CAMTA1: variants seen among roughly 807,000 people sequenced by gnomAD.
The protein encoded by CAMTA1 is calmodulin-binding transcription activator 1.
A neutral mutation model predicts 170.9 loss-of-function variants in CAMTA1; 27 were observed. The observed-to-expected ratio is 0.16, with a 90% CI of 0.12 to 0.22. CAMTA1 has a LOEUF of 0.22. Ranked by LOEUF, CAMTA1 falls within the 10% of genes least tolerant of loss-of-function variation. CAMTA1 has a pLI of 1.00. For missense variants in CAMTA1, 1,619 were observed against 2,217.2 expected (o/e 0.73, Z 5.42); for synonymous variants, 833 against 891.5 (o/e 0.93, Z 1.17).
intron 4 of CAMTA1, among the ~76,000 whole-genome samples, chr1:7,148,064 AACAC>A (rs754646778): frequency 2.5e-5 from 3 of 121,534 alleles, no homozygotes; most frequent in Non-Finnish European, 5.3e-5. Flanking sequence ...TATGCACACA[AACAC>A]ACACTCATAC....
intron 5 of CAMTA1, among the ~76,000 whole-genome samples, chr1:7,465,718 C>G (rs937407448): frequency 6.6e-6 from 1 of 152,142 alleles, no homozygotes; most frequent in Non-Finnish European, 1.5e-5. Context: ...CGGGCCTGGG[C>G]CTTCCTCTTC....
intron 6 of CAMTA1, among the ~76,000 whole-genome samples, chr1:7,625,504 C>T (rs2095627424): frequency 6.6e-6 from 1 of 152,146 alleles, no homozygotes. Flanking sequence ...GCCGTTCTGT[C>T]GCATCATCTG....
At chr1:7,643,947 G>C (rs957066274) in intron 7 of CAMTA1, among the ~76,000 whole-genome samples, 2 of 152,238 alleles carry the variant, frequency 1.3e-5, no homozygotes, top group African/African-American at 4.8e-5. Flanking sequence ...CCTCAGATTT[G>C]ATTCCAGAAT....
intron 4 of CAMTA1, among the ~76,000 whole-genome samples, chr1:7,177,975 C>G (rs1651301275): frequency 6.6e-6 from 1 of 152,052 alleles, no homozygotes; most frequent in Non-Finnish European, 1.5e-5. Flanking sequence ...ACTGAACCCC[C>G]TCCCCACGCG....
chr1:7,109,745 G>T (rs1643899843), intron 4 of CAMTA1, among the ~76,000 whole-genome samples: 1 of 152,182 alleles, frequency 6.6e-6, no homozygotes. Context: ...CCTCCCATTG[G>T]CCTGAGTGAG....
At chr1:7,402,034 T>C (rs1300770310) in intron 5 of CAMTA1, among the ~76,000 whole-genome samples, 1 of 152,200 alleles carries the variant, frequency 6.6e-6, no homozygotes, top group African/African-American at 2.4e-5. Flanking sequence ...TTAAACCACT[T>C]GCTCTCTTAT....
chr1:6,907,446 C>T (rs1678770095), intron 3 of CAMTA1, among the ~76,000 whole-genome samples: 2 of 152,176 alleles, frequency 1.3e-5, no homozygotes, highest in Non-Finnish European at 2.9e-5. Context: ...TGGGTTGCTG[C>T]AGCTTGACTC....
chr1:6,811,088 A>G (rs1645112966), intron 1 of CAMTA1, among the ~76,000 whole-genome samples: 1 of 152,198 alleles, frequency 6.6e-6, no homozygotes, highest in South Asian at 2.1e-4. Context: ...TGTTAGACAA[A>G]TGAACATTCT....
intron 2 of CAMTA1, among the ~76,000 whole-genome samples, chr1:6,822,936 G>T (rs779152614): frequency 2.7e-4 from 41 of 151,988 alleles, no homozygotes; most frequent in Non-Finnish European, 4.9e-4. Flanking sequence ...ATAGAAGCTG[G>T]GGTTTAAAAC....
At chr1:7,654,075 G>A (rs1054553784) in intron 7 of CAMTA1, among the ~76,000 whole-genome samples, 3 of 152,056 alleles carry the variant, frequency 2.0e-5, no homozygotes, top group Non-Finnish European at 4.4e-5. Context: ...CTGGAAAGAA[G>A]GGTGGCATTT....
At chr1:6,790,665 G>A (rs879264458) in intron 1 of CAMTA1, among the ~76,000 whole-genome samples, 8 of 152,078 alleles carry the variant, frequency 5.3e-5, no homozygotes, top group Non-Finnish European at 8.8e-5. Flanking sequence ...TCACTGCCAT[G>A]AAGAATTATA....
intron 3 of CAMTA1, among the ~76,000 whole-genome samples, 159 bp downstream of exon 3, chr1:6,825,369 C>T (rs535374308): frequency 4.9e-4 from 74 of 152,120 alleles, no homozygotes; most frequent in Non-Finnish European, 9.4e-4. Flanking sequence ...AACCAACCAA[C>T]ATGTTTTTTG....
chr1:7,280,172 G>C (rs915930583), intron 5 of CAMTA1, among the ~76,000 whole-genome samples: 1 of 152,226 alleles, frequency 6.6e-6, no homozygotes, highest in Non-Finnish European at 1.5e-5. Flanking sequence ...TGTGCCCTTT[G>C]CCCACCTGGG....
chr1:7,077,827 AC>A (rs1217828426), intron 3 of CAMTA1, among the ~76,000 whole-genome samples: 1 of 152,102 alleles, frequency 6.6e-6, no homozygotes, highest in Admixed American at 6.5e-5. Context: ...TCCTGTAGGC[AC>A]CAGAGCTGTT....
chr1:7,597,434 G>A (rs952202424), intron 6 of CAMTA1, among the ~76,000 whole-genome samples: 4 of 152,214 alleles, frequency 2.6e-5, no homozygotes, highest in African/African-American at 7.2e-5. Flanking sequence ...GGCCTCCACA[G>A]GAAGGAAAAG....
At chr1:7,555,890 C>G (rs1381972089) in intron 6 of CAMTA1, among the ~76,000 whole-genome samples, 1 of 152,192 alleles carries the variant, frequency 6.6e-6, no homozygotes, top group Non-Finnish European at 1.5e-5. Flanking sequence ...CCGCTAGGGC[C>G]CTTTTTTCCA....
intron 4 of CAMTA1, among the ~76,000 whole-genome samples, chr1:7,130,886 AT>A (rs1351031806): frequency 3.3e-5 from 5 of 151,636 alleles, no homozygotes; most frequent in Admixed American, 3.3e-4. Context: ...TTCTTTGCAT[AT>A]TTTAGATATG....
chr1:7,057,673 T>C (rs1293678652), intron 3 of CAMTA1, among the ~76,000 whole-genome samples: 3 of 152,248 alleles, frequency 2.0e-5, no homozygotes, highest in Admixed American at 1.3e-4. Context: ...TTTACACTTA[T>C]GTGAGGCCTT....
chr1:7,646,405 GT>G, intron 7 of CAMTA1, among the ~76,000 whole-genome samples: 1 of 148,786 alleles, frequency 6.7e-6, no homozygotes, highest in African/African-American at 2.5e-5. Flanking sequence ...GCCCTGGTGA[GT>G]TGGGTGGAGG....
Sources: allele counts gnomAD v4.1 joint callset (sites outside exome capture counted in the v4.1 genomes callset), GRCh38; gene constraint gnomAD v4.1.1; transcripts MANE v1.5; gene names NCBI Gene and HGNC (gene_info 2026-07-23, HGNC 2026-07-21).